MAPK10: variants seen among roughly 807,000 people sequenced by gnomAD.
MAPK10 encodes the protein mitogen-activated protein kinase 10, also known as JNK3 alpha protein kinase.
Under a neutral mutation model 59.3 loss-of-function variants are expected in MAPK10, and 25 were observed. The observed-to-expected ratio is 0.42, with a 90% CI of 0.31 to 0.59. The LOEUF is 0.59. MAPK10 is among the 20% of genes least tolerant of loss of function. The probability of loss-of-function intolerance (pLI) is 0.15; values close to 1 mark genes in which losing one functional copy is unlikely to be tolerated. For missense variants in MAPK10, 351 were observed against 568.9 expected, an observed-to-expected ratio of 0.62 and a Z score of 3.90; for synonymous variants, 190 against 200.5, an observed-to-expected ratio of 0.95 and a Z score of 0.44.
At chr4:86,132,043 G>T (rs1300499837) in intron 4 of MAPK10, among the ~76,000 whole-genome samples, 1 of 152,144 alleles carries the variant, frequency 6.6e-6, no homozygotes, top group African/African-American at 2.4e-5. Context: ...AAGTCTAAAT[G>T]AGTTAATAAA....
intron 13 of MAPK10, among the ~76,000 whole-genome samples, chr4:86,025,871 C>G (rs1009230631): frequency 2.0e-5 from 3 of 151,792 alleles, no homozygotes; most frequent in African/African-American, 7.3e-5. Flanking sequence ...CTGATAACCC[C>G]CAATCCCAAC....
chr4:86,073,174 T>A, intron 9 of MAPK10, among the ~76,000 whole-genome samples: 1 of 119,174 alleles, frequency 8.4e-6, no homozygotes, highest in Non-Finnish European at 1.8e-5. Context: ...TTCTAGTTTA[T>A]TTGCGTAGAG....
intron 2 of MAPK10, among the ~76,000 whole-genome samples, chr4:86,315,074 G>A (rs919234161): frequency 6.6e-6 from 1 of 151,992 alleles, no homozygotes; most frequent in African/African-American, 2.4e-5. Context: ...TATAGTCTTT[G>A]ATGACACACA....
In MAPK10 at chr4:86,277,993, T is replaced by C. The variant is rs139478337; in HGVS notation, c.-7+76537A>G. ...TATATCACAAAGTATAACATCATGA[T>C]GTTTTTAAATATGTACCTCAGTTAT... On this transcript the variant is annotated intron_variant, in intron 2 of 13. Coordinates refer to ENST00000641462, the MANE Select transcript of MAPK10 (RefSeq NM_138982.4). 1.5e-4 allele frequency among the ~76,000 whole-genome samples: 23 copies of C among 152,246 alleles called. No homozygotes were observed. In the East Asian group the frequency reaches 3.1e-3, roughly 20 times the overall value.
chr4:86,355,410 C>T (rs912370964), intron 1 of MAPK10, among the ~76,000 whole-genome samples: 1 of 152,048 alleles, frequency 6.6e-6, no homozygotes, highest in Non-Finnish European at 1.5e-5. Context: ...AGTGTAGCCC[C>T]ATTGTCACCT....
intron 2 of MAPK10, among the ~76,000 whole-genome samples, chr4:86,229,443 G>C (rs1456650341): frequency 6.6e-6 from 1 of 152,282 alleles, no homozygotes; most frequent in East Asian, 1.9e-4. Context: ...ATTAGTAAAT[G>C]TTTATCAAGT....
chr4:86,144,589 T>G (rs1581218715), intron 4 of MAPK10, among the ~76,000 whole-genome samples: 1 of 152,158 alleles, frequency 6.6e-6, no homozygotes, highest in Non-Finnish European at 1.5e-5. Context: ...TTTAGGAAAA[T>G]TAGATCTCTC....
chr4:86,047,148 C>T (rs2042642945), intron 11 of MAPK10, among the ~76,000 whole-genome samples: 1 of 152,044 alleles, frequency 6.6e-6, no homozygotes, highest in African/African-American at 2.4e-5. Context: ...CCCTCTGCTA[C>T]ATATGAAACC....
At chr4:86,407,610 T>G (rs1469464290) in intron 1 of MAPK10, among the ~76,000 whole-genome samples, 1 of 152,186 alleles carries the variant, frequency 6.6e-6, no homozygotes, top group Non-Finnish European at 1.5e-5. Context: ...ATGCTAGAGC[T>G]CCTTAATCTC....
intron 1 of MAPK10, among the ~76,000 whole-genome samples, chr4:86,589,754 G>T (rs1328354159): frequency 6.6e-6 from 1 of 151,232 alleles, no homozygotes; most frequent in Non-Finnish European, 1.5e-5. Flanking sequence ...ACCTACAGAT[G>T]TACACCACAT....
intron 1 of MAPK10, among the ~76,000 whole-genome samples, chr4:86,468,714 C>A (rs574801690): frequency 6.6e-6 from 1 of 151,984 alleles, no homozygotes; most frequent in Non-Finnish European, 1.5e-5. Flanking sequence ...ATTAGCCAGG[C>A]GTGGTGGCAT....
At position 86,354,546 on chromosome 4, in the gene MAPK10, T is replaced by G. The variant is rs1054794273; in HGVS notation, c.-23A>C. The G allele has an allele frequency of 2.2e-5, 27 of 1,229,216 alleles. No homozygotes were observed. The South Asian group carries it at 9.9e-4, about 45-fold the overall frequency. The allele number at this position is 1,229,216 out of a possible 1,614,324, so 76.1% of individuals were successfully genotyped here. A position where few individuals can be genotyped will look rare whatever the true frequency, so the allele number is the denominator to read the frequency against. ...GCAACTCACCACAGCTTGTATGGTT[T>G]CTCATCTATAGGAAACGGGTCTAAT... On this transcript the variant is annotated 5_prime_UTR_variant, in exon 2 of 14. Transcript: ENST00000641462.
intron 1 of MAPK10, among the ~76,000 whole-genome samples, chr4:86,480,879 C>T (rs1753555321): frequency 6.6e-6 from 1 of 152,082 alleles, no homozygotes; most frequent in South Asian, 2.1e-4. Flanking sequence ...AATTGTTATG[C>T]TTAGATTTGA....
rs145458216 is a variant in MAPK10 at position 86,559,620 on chromosome 4, T to C, written c.-263+34290A>G. ...CAGTTTTCAAACTATACTACTTAAATATTTTGTTTTAGTCTTAATAGTCAC... is the reference window on the plus strand; with the variant it reads ...CAGTTTTCAAACTATACTACTTAAACATTTTGTTTTAGTCTTAATAGTCAC... On this transcript the variant is annotated intron_variant, in intron 1 of 4. Coordinates refer to the MAPK10 transcript ENST00000502302. Among the ~76,000 whole-genome samples the C allele has an allele frequency of 2.1e-3, 322 of 152,272 alleles. 3 individuals are homozygous for C. The highest frequency in any genetic ancestry group is 7.1e-3 in the African/African-American group (297 of 41,554).
chr4:86,188,930 T>C (rs2078974474), intron 3 of MAPK10, among the ~76,000 whole-genome samples: 3 of 152,234 alleles, frequency 2.0e-5, no homozygotes, highest in African/African-American at 7.2e-5. Context: ...AATCTTTGTA[T>C]AAGGTGTAAG....
chr4:86,418,563 C>T (rs192955836), intron 1 of MAPK10, among the ~76,000 whole-genome samples: 5 of 152,318 alleles, frequency 3.3e-5, no homozygotes, highest in Admixed American at 2.6e-4. Context: ...AAATGTTCCT[C>T]CTCCTTTTGT....
chr4:86,242,870 C>CT (rs35140130), intron 2 of MAPK10, among the ~76,000 whole-genome samples: 49,940 of 152,100 alleles, frequency 0.33, 11,146 homozygotes, highest in African/African-American at 0.64. Context: ...GCCCCTCCCC[C>CT]GGAAGTTCGA....
intron 1 of MAPK10, among the ~76,000 whole-genome samples, chr4:86,397,864 CAAAAAAAAAAAA>C (rs759585442): frequency 1.9e-5 from 1 of 51,756 alleles, no homozygotes; most frequent in African/African-American, 6.1e-5. Context: ...TCTGCTATGG[CAAAAAAAAAAAA>C]AAAAAAAAAA....
At chr4:86,561,991 C>CA (rs1366798247) in intron 1 of MAPK10, among the ~76,000 whole-genome samples, 1 of 152,196 alleles carries the variant, frequency 6.6e-6, no homozygotes, top group East Asian at 1.9e-4. Flanking sequence ...TAAATATCCC[C>CA]ACTCGATCCT....
Sources: gnomAD v4.1 joint callset for allele counts (sites outside exome capture counted in the v4.1 genomes callset) on GRCh38, gnomAD v4.1.1 for gene constraint, MANE v1.5 for transcripts, NCBI Gene and HGNC (gene_info 2026-07-23, HGNC 2026-07-21) for gene names.